The following IRX4 variants were observed in gnomAD, a reference collection of about 807,000 sequenced individuals.
IRX4 encodes iroquois homeobox 4, also known as iroquois-class homeodomain protein IRX-4.
A neutral mutation model predicts 32.0 loss-of-function variants in IRX4; 22 were observed. That is an observed-to-expected ratio of 0.69 (90% CI 0.49 to 0.98). The LOEUF (loss-of-function observed/expected upper bound fraction) is 0.98. Ranked by LOEUF, IRX4 falls within the 50% of genes least tolerant of loss-of-function variation. The pLI, the probability that IRX4 is intolerant of heterozygous loss-of-function variation, is 0.00. For missense variants in IRX4, 840 were observed against 744.2 expected (o/e 1.13, Z -1.50); for synonymous variants, 379 against 351.7 (o/e 1.08, Z -0.87).
At chr5:1,887,150 C>T (rs1735658589), upstream of IRX4, 1 of 151,724 alleles carries the variant, frequency 6.6e-6, no homozygotes, top group African/African-American at 2.4e-5. Flanking sequence ...CCGGCGACAA[C>T]TAATGGAGAC....
upstream of IRX4, among the ~76,000 whole-genome samples, chr5:1,885,841 G>A (rs894416461): frequency 6.6e-6 from 1 of 152,268 alleles, no homozygotes; most frequent in Admixed American, 6.5e-5. Context: ...ACCAACGATA[G>A]GACGCTCAGC....
chr5:1,883,723 G>A (rs1483445146), upstream of IRX4, among the ~76,000 whole-genome samples: 3 of 152,070 alleles, frequency 2.0e-5, no homozygotes, highest in Non-Finnish European at 4.4e-5. Flanking sequence ...TCAGCCCACC[G>A]CCCCCACCTC....
chr5:1,882,560 A>G (rs1050341066), intron 1 of IRX4, 43 bp downstream of exon 1: 13 of 1,487,884 alleles, frequency 8.7e-6, no homozygotes, highest in African/African-American at 4.4e-5. Context: ...CATCCGCCCT[A>G]CCGGCACCTG....
At chr5:1,885,678 T>A (rs1466850110), upstream of IRX4, among the ~76,000 whole-genome samples, 3 of 152,144 alleles carry the variant, frequency 2.0e-5, no homozygotes, top group African/African-American at 7.2e-5. Flanking sequence ...CACCGGGACA[T>A]CTCACTGAAA....
At chr5:1,878,887 G>T in intron 4 of IRX4, 95 bp from the exon 5 acceptor site, 1 of 1,296,522 alleles carries the variant, frequency 7.7e-7, no homozygotes, top group Non-Finnish European at 1.1e-6. Flanking sequence ...TGTTCCCGAC[G>T]CTACGAAAAG....
rs372158123 is a variant in IRX4 at position 1,879,559 on chromosome 5, C to T, written c.681G>A (p.Glu227=). The T allele has an allele frequency of 6.8e-6, 11 of 1,613,564 alleles. No homozygotes were observed. In the African/African-American group the frequency reaches 1.3e-4, roughly 20 times the overall value. The part of the protein sequence containing the change: ...EKRPYAEGEE[E]EGGEEEAREE... ...CCCGCGCCTCCTCCTCGCCCCCCTC[C>T]TCCTCCTCGCCCTCCGCGTAGGGCC... Residue 227 remains glutamate (E), a synonymous_variant, in exon 4 of 5, where the codon GAG becomes GAA. Coordinates refer to ENST00000231357, the MANE Select transcript of IRX4 (RefSeq NM_016358.3).
At position 1,882,651 on chromosome 5, in the gene IRX4, G is replaced by A; in HGVS notation, c.-4C>T. 7.2e-7 allele frequency: 1 copy of A among 1,398,568 alleles called. No homozygotes were observed. Among genetic ancestry groups the A allele is most frequent in the Non-Finnish European group, 9.3e-7 (1 of 1,077,202 alleles). 86.6% of individuals were successfully genotyped at this position (1,398,568 alleles called of 1,614,324 possible). A position where few individuals can be genotyped will look rare whatever the true frequency, so the allele number is the denominator to read the frequency against. ...ATCCAAACTGCGGGTAGGACATGGCGGGCGCGGCCCGGGGCGGACGGGCGG... is the reference window on the plus strand; with the variant it reads ...ATCCAAACTGCGGGTAGGACATGGCAGGCGCGGCCCGGGGCGGACGGGCGG... On this transcript the variant is annotated 5_prime_UTR_variant, in exon 1 of 5. Coordinates refer to ENST00000231357, the MANE Select transcript of IRX4 (RefSeq NM_016358.3).
At position 1,879,620 on chromosome 5, in the gene IRX4, G is replaced by A. The variant is rs376873295; in HGVS notation, c.620C>T (p.Thr207Met). ...TGCGCACTTGTTCCGCGGCGGCCAC[G>A]TCATCTTGTTCTCCTTCTTGAGGCG... Reference protein sequence around the residue: ...RRRLKKENKMTWPPRNKCADE... With the variant: ...RRRLKKENKMMWPPRNKCADE... Residue 207 changes from threonine to methionine, a missense_variant, in exon 4 of 5, where the codon ACG becomes ATG. Coordinates refer to ENST00000231357, the MANE Select transcript of IRX4 (RefSeq NM_016358.3). The A allele has an allele frequency of 1.2e-6, 2 of 1,614,070 alleles. No individual in the cohort carries two copies. The highest frequency in any genetic ancestry group is 1.6e-4 in the Middle Eastern group (1 of 6,062).
At position 1,880,698 on chromosome 5, in the gene IRX4, T is replaced by C. The variant is rs200769965; in HGVS notation, c.407+27A>G. ...CAGTGCAGAGGGCCCGTGGGGCTAGTGCTGGTTAGGAGGGGTGGGTCCTCA... is the reference window on the plus strand; with the variant it reads ...CAGTGCAGAGGGCCCGTGGGGCTAGCGCTGGTTAGGAGGGGTGGGTCCTCA... On this transcript the variant is annotated intron_variant, in intron 3 of 4. Transcript: ENST00000231357. The C allele has an allele frequency of 2.6e-5, 39 of 1,491,044 alleles. No homozygotes were observed. The African/African-American group carries it at 5.1e-4, about 20-fold the overall frequency. 92.4% of individuals were successfully genotyped at this position (1,491,044 alleles called of 1,614,324 possible). A position where few individuals can be genotyped will look rare whatever the true frequency, so the allele number is the denominator to read the frequency against.
In IRX4 at chr5:1,878,164, C is replaced by G. The variant is rs936665709; in HGVS notation, c.1365G>C (p.Gln455His). 1.0e-5 allele frequency: 16 copies of G among 1,575,914 alleles called. No individual in the cohort carries two copies. Among genetic ancestry groups the G allele is most frequent in the Non-Finnish European group, 1.4e-5 (16 of 1,164,298 alleles). ...GGGCGCCCTTGGCGGTGGCCCAGGC[C>G]TGGTTCAAAGTGCTGTGCCTGAGGA... is the stretch of plus-strand genomic sequence containing the variant. The part of the protein sequence containing the change: ...DPILRHSTLN[Q>H]AWATAKGALL... The change falls in exon 5 of 5, where the codon CAG becomes CAC. Residue 455 changes from glutamine (Q) to histidine (H), a missense_variant. Physicochemically the swap from Gln to His is conservative, Grantham distance 24. Coordinates refer to ENST00000231357, the MANE Select transcript of IRX4 (RefSeq NM_016358.3).
In IRX4 at chr5:1,878,677, G is replaced by A; in HGVS notation, c.852C>T (p.Gly284=). 6.3e-7 allele frequency: 1 copy of A among 1,595,576 alleles called. No individual in the cohort carries two copies. The highest frequency in any genetic ancestry group is 8.5e-7 in the Non-Finnish European group (1 of 1,171,770). Reference sequence around the variant, plus strand: ...GCGCGGCGGGGACGCGCTCCAGACCGCCGTCCAGGGAGTGGAAGGGCGGCT... The same window carrying A: ...GCGCGGCGGGGACGCGCTCCAGACCACCGTCCAGGGAGTGGAAGGGCGGCT... ...ELKPPFHSLD[G]GLERVPAAPD... Residue 284 remains glycine (G), a synonymous_variant, in exon 5 of 5, where the codon GGC becomes GGT. Coordinates refer to ENST00000231357, the MANE Select transcript of IRX4 (RefSeq NM_016358.3).
intron 1 of IRX4, 71 bp from the exon 2 acceptor site, chr5:1,882,130 C>T (rs1043478609): frequency 6.7e-7 from 1 of 1,486,058 alleles, no homozygotes; most frequent in African/African-American, 1.4e-5. Flanking sequence ...TTGCCAATCC[C>T]GCGCGCCGCC....
rs1363669288 is a variant in IRX4 at position 1,877,780 on chromosome 5, C to G, written c.*189G>C. 1 of 587,498 alleles carries G rather than the reference C, an allele frequency of 1.7e-6. No homozygotes were observed. 36.4% of individuals were successfully genotyped at this position (587,498 alleles called of 1,614,324 possible). A position where few individuals can be genotyped will look rare whatever the true frequency, so the allele number is the denominator to read the frequency against. On this transcript the variant is annotated 3_prime_UTR_variant, in exon 5 of 5. Coordinates refer to ENST00000231357, the MANE Select transcript of IRX4 (RefSeq NM_016358.3). ...TGGCCCGGTCAGGCTCAGGCCCAGG[C>G]GGTGGAGGCCCCGGCGTGGCAGCGC...
At chr5:1,879,054 C>T (rs1018957944) in intron 4 of IRX4, among the ~76,000 whole-genome samples, 5 of 151,334 alleles carry the variant, frequency 3.3e-5, no homozygotes, top group Admixed American at 6.6e-5. Flanking sequence ...TGCAGTGGCG[C>T]GATCTCAGCT....
Position 1,878,143 on chromosome 5 carries a change from GC to G in IRX4, c.1385del (p.Gly462AlafsTer20). 1.3e-6 allele frequency: 2 copies of G among 1,556,088 alleles called. No homozygotes were observed. On this transcript the variant is annotated frameshift_variant, in exon 5 of 5. Transcript: ENST00000231357. LOFTEE classifies it low-confidence loss of function (END_TRUNC). ...CCAGAGGCCCGGGGTCCAGGAGGGCGCCCTTGGCGGTGGCCCAGGCCTGGTT... is the reference window on the plus strand; with the variant it reads ...CCAGAGGCCCGGGGTCCAGGAGGGCGCCTTGGCGGTGGCCCAGGCCTGGTT... Reference protein sequence around the residue: ...TLNQAWATAKGALLDPGPLGR... With the variant: ...TLNQAWATAKXALLDPGPLGR...
rs201914951 is a variant in IRX4, at chr5:1,878,211, C to T, written c.1318G>A (p.Asp440Asn). ...SPVTSLRNWV[D>N]GVFHDPILRH... ...AGGATGGGGTCGTGGAAGACCCCGT[C>T]CACCCAGTTTCTGAGACTGGTTACC... is the stretch of plus-strand genomic sequence containing the variant. Residue 440 changes from aspartate (D) to asparagine (N), a missense_variant, in exon 5 of 5, where the codon GAC (aspartate) becomes AAC (asparagine). Asp to Asn is a conservative substitution (Grantham distance 23). Around this residue, in one of 3 missense-constraint regions of IRX4, gnomAD observed 585 missense variants for 488.0 expected, o/e 1.20. Transcript: ENST00000231357. The T allele has an allele frequency of 4.4e-3, 7,034 of 1,601,472 alleles. 24 individuals carry two copies. The highest frequency in any genetic ancestry group is 5.3e-3 in the Non-Finnish European group (6,256 of 1,175,136).
rs561570194 is a variant in IRX4, at chr5:1,882,359, A to G, written c.45+244T>C. Among the ~76,000 whole-genome samples the G allele has an allele frequency of 5.6e-3, 859 of 152,224 alleles. 5 individuals carry two copies. Among genetic ancestry groups the G allele is most frequent in the Non-Finnish European group, 9.7e-3 (658 of 67,992 alleles). On this transcript the variant is annotated intron_variant, in intron 1 of 4. Coordinates refer to ENST00000231357, the MANE Select transcript of IRX4 (RefSeq NM_016358.3). ...TGGGGTCCTAGGACTCCCCTGGGGC[A>G]CAGCCTGAGCCTTGTGGTTCAAACA...
intron 1 of IRX4, 28 bp from the exon 2 acceptor site, chr5:1,882,087 G>C: frequency 6.5e-7 from 1 of 1,540,536 alleles, no homozygotes; most frequent in Non-Finnish European, 8.7e-7. Flanking sequence ...GAGGACTGGC[G>C]GGAAGCCGGG....
intron 2 of IRX4, 27 bp from the exon 3 acceptor site, chr5:1,880,861 C>A (rs1735403896): frequency 6.3e-7 from 1 of 1,584,264 alleles, no homozygotes; most frequent in African/African-American, 1.3e-5. Context: ...TCTGGGGTCG[C>A]AGTTTCCAGG....
Sources: gnomAD v4.1 joint callset for allele counts (sites outside exome capture counted in the v4.1 genomes callset) on GRCh38, gnomAD v4.1.1 for gene constraint, gnomAD v4.1.1 regional missense constraint, MANE v1.5 for transcripts, NCBI Gene and HGNC (gene_info 2026-07-23, HGNC 2026-07-21) for gene names.